LIMS2: variants seen among roughly 807,000 people sequenced by gnomAD.
LIMS2 encodes LIM and senescent cell antigen-like-containing domain protein 2.
In LIMS2, 30 loss-of-function variants were observed where a neutral mutation model predicts 45.3. That is an observed-to-expected ratio of 0.66 (90% CI 0.50 to 0.90). The LOEUF is 0.90. LIMS2 is among the 40% of genes least tolerant of loss of function. The pLI is 0.00. For synonymous variants in LIMS2, 173 were observed against 188.0 expected, an observed-to-expected ratio of 0.92 and a Z score of 0.65; for missense variants, 485 against 468.7, an observed-to-expected ratio of 1.03 and a Z score of -0.32.
chr2:127,639,868 G>GCCTGGGGTC (rs138222219), intron 9 of LIMS2, among the ~76,000 whole-genome samples: 4 of 152,112 alleles, frequency 2.6e-5, no homozygotes, highest in Non-Finnish European at 4.4e-5. Context: ...CTCTCACTGT[G>GCCTGGGGTC]CCTGGGGTCC....
rs1042820277 is a variant in LIMS2 at position 127,675,048 on chromosome 2, G to A, written c.-24C>T. ...ATGGTGGCAGCGACGCCGAGCCCTG[G>A]GTTGCCGGGGTTGCCGCGGGTCTCC... On this transcript the variant is annotated 5_prime_UTR_variant, in exon 1 of 10. Coordinates refer to ENST00000355119, the MANE Select transcript of LIMS2 (RefSeq NM_001161403.3). The A allele has an allele frequency of 1.1e-5, 11 of 1,025,672 alleles. No homozygotes were observed. In the African/African-American group the frequency reaches 1.9e-4, roughly 18 times the overall value. 63.5% of individuals were successfully genotyped at this position (1,025,672 alleles called of 1,614,324 possible).
intron 4 of LIMS2, among the ~76,000 whole-genome samples, chr2:127,648,524 C>T (rs1171265254): frequency 2.0e-5 from 3 of 152,100 alleles, no homozygotes; most frequent in African/African-American, 4.8e-5. Context: ...GCCTCCTCCT[C>T]GAGGGGCTGC....
intron 8 of LIMS2, 30 bp from the exon 9 acceptor site, chr2:127,640,175 C>G (rs1470291558): frequency 8.7e-6 from 14 of 1,612,548 alleles, no homozygotes; most frequent in South Asian, 2.2e-5. Context: ...CTCAGCAGGC[C>G]TGGCTAGGCT....
rs369430789 is a variant in LIMS2 at position 127,643,062 on chromosome 2, G to A, written c.370C>T (p.Arg124Trp). 66 of 1,579,970 alleles carry A rather than the reference G, an allele frequency of 4.2e-5. No individual in the cohort carries two copies. The highest frequency in any genetic ancestry group is 1.7e-4 in the Middle Eastern group (1 of 5,834). Reference protein sequence around the residue: ...FVKNAGRHLCRPCHNREKAKG... With the variant: ...FVKNAGRHLCWPCHNREKAKG... The stretch of plus-strand genomic sequence containing the variant: ...GCCTTCTCACGGTTGTGGCAAGGCC[G>A]GCAGAGATGCCTGCGGGAGGCGGGG... The change falls in exon 5 of 10, where the codon CGG becomes TGG. Residue 124 changes from arginine (R) to tryptophan (W), a missense_variant. Coordinates refer to ENST00000355119, the MANE Select transcript of LIMS2 (RefSeq NM_001161403.3).
At position 127,638,559 on chromosome 2, in the gene LIMS2, A is replaced by C. The variant is rs2105175500; in HGVS notation, c.*722T>G. ...TGACCACACCTCCTCTGACGCCATC[A>C]CCTCCTCCTGGCCCCACCCAAGGGC... is the stretch of plus-strand genomic sequence containing the variant. On this transcript the variant is annotated 3_prime_UTR_variant, in exon 10 of 10. Coordinates refer to ENST00000355119, the MANE Select transcript of LIMS2 (RefSeq NM_001161403.3). 1 of 152,628 alleles carries C rather than the reference A, an allele frequency of 6.6e-6. No individual in the cohort carries two copies. Among genetic ancestry groups the C allele is most frequent in the Non-Finnish European group, 1.5e-5 (1 of 68,190 alleles). 9.5% of individuals were successfully genotyped at this position (152,628 alleles called of 1,614,324 possible).
At chr2:127,674,974 C>T (rs963249531) in intron 1 of LIMS2, 40 bp downstream of exon 1, 1 of 1,228,170 alleles carries the variant, frequency 8.1e-7, no homozygotes, top group African/African-American at 1.6e-5. Context: ...GTCCCGCAGT[C>T]CCGCCTCCCC....
In LIMS2 at chr2:127,651,552, C is replaced by T. The variant is rs774720883; in HGVS notation, c.359+2872G>A. On this transcript the variant is annotated intron_variant, in intron 4 of 9. Coordinates refer to ENST00000355119, the MANE Select transcript of LIMS2 (RefSeq NM_001161403.3). ...CCATGGGGCCTCCTGCGCCACCCAG[C>T]GCATCCTGGCCCTGGCAAACCGCAT... 9.6e-5 allele frequency: 155 copies of T among 1,612,410 alleles called. No individual in the cohort carries two copies. The highest frequency in any genetic ancestry group is 3.3e-4 in the Middle Eastern group (2 of 6,084).
chr2:127,646,098 G>C (rs1421753959), intron 4 of LIMS2: 1 of 152,348 alleles, frequency 6.6e-6, no homozygotes, highest in African/African-American at 2.4e-5. Context: ...CAGGGCCAGA[G>C]GGGCTGTGGT....
chr2:127,648,994 AGGGGAGGGGAG>A (rs1683336873), intron 4 of LIMS2, among the ~76,000 whole-genome samples: 1 of 16,128 alleles, frequency 6.2e-5, no homozygotes, highest in Non-Finnish European at 1.2e-4. Context: ...GAGGGGAGGG[AGGGGAGGGGAG>A]GAAGGGGAGG....
intron 4 of LIMS2, among the ~76,000 whole-genome samples, chr2:127,648,665 G>A (rs1683260427): frequency 6.6e-6 from 1 of 152,042 alleles, no homozygotes; most frequent in African/African-American, 2.4e-5. Context: ...ACTTTGGGAG[G>A]CCAAGGAGCA....
At chr2:127,679,760 T>C (rs1233902261), upstream of LIMS2, among the ~76,000 whole-genome samples, 1 of 151,912 alleles carries the variant, frequency 6.6e-6, no homozygotes, top group East Asian at 1.9e-4. The surrounding 1 kb of genome is among the most constrained non-coding windows in gnomAD (Gnocchi z 5.3). Context: ...GAACCCGGGG[T>C]CTCAAAGTGC....
rs1683138646 is a variant in LIMS2, at chr2:127,647,626, T to C, written c.360-4554A>G. Among the ~76,000 whole-genome samples the C allele has an allele frequency of 6.6e-6, 1 of 152,004 alleles. No individual in the cohort carries two copies. Among genetic ancestry groups the C allele is most frequent in the Non-Finnish European group, 1.5e-5 (1 of 67,964 alleles). ...TTGGCCCCTTCCCACCCCCAGGTTC[T>C]AACAAGGGCCCCTCACTCACTGGGC... is the stretch of plus-strand genomic sequence containing the variant. On this transcript the variant is annotated intron_variant, in intron 4 of 9. Transcript: ENST00000355119. The surrounding 1 kb of genome is among the most constrained non-coding windows in gnomAD (Gnocchi z 4.3).
upstream of LIMS2, among the ~76,000 whole-genome samples, chr2:127,679,297 G>C (rs549802839): frequency 2.0e-5 from 3 of 152,254 alleles, no homozygotes; most frequent in South Asian, 2.1e-4. This position sits in a 1 kb window ranked among gnomAD's most constrained non-coding sequence, Gnocchi z 5.3. Context: ...TGCTCTGAAA[G>C]GGGGGGCAGA....
rs1682316877 is a variant in LIMS2, at chr2:127,640,687, C to T, written c.753+209G>A. On this transcript the variant is annotated intron_variant, in intron 7 of 9. Transcript: ENST00000355119. Reference sequence around the variant, plus strand: ...ATGTGCCCGGGACCTCACACCAGCCCCAGAACATTCTTCAAAGGAAGACAC... The same window carrying T: ...ATGTGCCCGGGACCTCACACCAGCCTCAGAACATTCTTCAAAGGAAGACAC... 6 of 602,022 alleles carry T rather than the reference C, an allele frequency of 1.0e-5. No individual in the cohort carries two copies. In the East Asian group the frequency reaches 1.4e-4, roughly 14 times the overall value. 37.3% of individuals were successfully genotyped at this position (602,022 alleles called of 1,614,324 possible). A position where few individuals can be genotyped will look rare whatever the true frequency, so the allele number is the denominator to read the frequency against.
At chr2:127,656,707 G>A (rs115810394) in intron 2 of LIMS2, among the ~76,000 whole-genome samples, 12 of 152,154 alleles carry the variant, frequency 7.9e-5, no homozygotes, top group South Asian at 4.1e-4. Context: ...GAGCCGCCGC[G>A]CCCGGCCAGG....
chr2:127,649,694 C>T (rs988635215), intron 4 of LIMS2, among the ~76,000 whole-genome samples: 4 of 152,276 alleles, frequency 2.6e-5, no homozygotes, highest in Admixed American at 2.0e-4. Flanking sequence ...GTGGGTTTCT[C>T]TGCTGAGGGT....
In LIMS2 at chr2:127,651,670, T is replaced by C. The variant is rs769431063; in HGVS notation, c.359+2754A>G. 9.9e-6 allele frequency: 16 copies of C among 1,613,382 alleles called. 1 individual carries two copies. The South Asian group carries it at 1.5e-4, about 15-fold the overall frequency. ...TTCCGCCACGCCCTGTGCAACTTGC[T>C]CTGTGGCAAAAGGCTCAAGGGCCCG... On this transcript the variant is annotated intron_variant, in intron 4 of 9. Transcript: ENST00000355119.
intron 3 of LIMS2, 142 bp from the exon 4 acceptor site, chr2:127,654,686 G>T: frequency 6.8e-7 from 1 of 1,479,020 alleles, no homozygotes; most frequent in Non-Finnish European, 9.3e-7. Context: ...GCCTGTAGGG[G>T]GCCTGACGGC....
At chr2:127,677,645 A>G (rs1685533209), upstream of LIMS2, among the ~76,000 whole-genome samples, 1 of 152,200 alleles carries the variant, frequency 6.6e-6, no homozygotes, top group African/African-American at 2.4e-5. The surrounding 1 kb of genome is among the most constrained non-coding windows in gnomAD (Gnocchi z 5.0). Flanking sequence ...CCCAGGGCAG[A>G]GCAGCAGGGC....
Sources: gnomAD v4.1 joint callset for allele counts (sites outside exome capture counted in the v4.1 genomes callset) on GRCh38, gnomAD v4.1.1 for gene constraint, Gnocchi (gnomAD v3.1) non-coding constraint, MANE v1.5 for transcripts, NCBI Gene and HGNC (gene_info 2026-07-23, HGNC 2026-07-21) for gene names.